The following ERAP1 variants were observed in gnomAD, a reference collection of about 807,000 sequenced individuals.
ERAP1 encodes endoplasmic reticulum aminopeptidase 1, also known as adipocyte-derived leucine aminopeptidase.
Under a neutral mutation model 103.7 loss-of-function variants are expected in ERAP1, and 86 were observed. The observed-to-expected ratio is 0.83, with a 90% CI of 0.70 to 0.99. ERAP1 has a LOEUF of 0.99. Ranked by LOEUF, ERAP1 falls within the 50% of genes least tolerant of loss-of-function variation. ERAP1 has a pLI of 0.00. For synonymous variants in ERAP1, 398 were observed against 402.4 expected (o/e 0.99, Z 0.13); for missense variants, 1,009 against 1,128.4 (o/e 0.89, Z 1.52).
intron 6 of ERAP1, 58 bp from the exon 7 acceptor site, chr5:96,793,571 G>T: frequency 3.0e-6 from 4 of 1,316,838 alleles, no homozygotes; most frequent in Non-Finnish European, 4.4e-6. Flanking sequence ...TATTTTAGAT[G>T]TCCAATATAA....
the ERAP1 span, among the ~76,000 whole-genome samples, chr5:96,891,561 C>T: frequency 9.2e-5 from 11 of 118,922 alleles, no homozygotes; most frequent in East Asian, 2.6e-4. Flanking sequence ...CACACACACA[C>T]ACATATATGG....
At chr5:96,825,494 A>G in the ERAP1 span, among the ~76,000 whole-genome samples, 1 of 152,220 alleles carries the variant, frequency 6.6e-6, no homozygotes, top group Non-Finnish European at 1.5e-5. Flanking sequence ...TGTCAATTAG[A>G]TCCAGTTGAT....
chr5:96,831,076 T>G, the ERAP1 span, among the ~76,000 whole-genome samples: 4 of 152,186 alleles, frequency 2.6e-5, no homozygotes, highest in Non-Finnish European at 1.5e-5. Context: ...ATTGTTTAAT[T>G]GGCTCATGGT....
intron 5 of ERAP1, among the ~76,000 whole-genome samples, chr5:96,794,692 C>T (rs1035360499): frequency 6.6e-6 from 1 of 152,160 alleles, no homozygotes. Context: ...TCATTCAAAA[C>T]AGTTTGTTGA....
the ERAP1 span, among the ~76,000 whole-genome samples, chr5:96,912,103 T>C: frequency 7.0e-6 from 1 of 142,118 alleles, no homozygotes; most frequent in African/African-American, 2.6e-5. Flanking sequence ...GGCAGGAGAA[T>C]GGTGTGAACC....
At chr5:96,793,741 T>C in intron 6 of ERAP1, 62 bp downstream of exon 6, 1 of 1,419,366 alleles carries the variant, frequency 7.0e-7, no homozygotes, top group Non-Finnish European at 9.7e-7. Flanking sequence ...TAGCCTTATA[T>C]GTCCCATAGA....
the ERAP1 span, among the ~76,000 whole-genome samples, chr5:96,922,687 G>A: frequency 6.6e-6 from 1 of 152,164 alleles, no homozygotes; most frequent in Non-Finnish European, 1.5e-5. Flanking sequence ...CCCTCTGTCC[G>A]GGTGAGTTAA....
the ERAP1 span, chr5:96,912,615 A>AT: frequency 5.7e-6 from 9 of 1,570,942 alleles, no homozygotes; most frequent in Non-Finnish European, 7.7e-6. Flanking sequence ...CTTTTTCTTC[A>AT]TTTTTATGCT....
chr5:96,858,699 C>T, the ERAP1 span, among the ~76,000 whole-genome samples: 1 of 152,316 alleles, frequency 6.6e-6, no homozygotes, highest in South Asian at 2.1e-4. Context: ...ACCCCATCAG[C>T]ATTGCACCTG....
At chr5:96,830,049 T>A in the ERAP1 span, among the ~76,000 whole-genome samples, 3 of 152,316 alleles carry the variant, frequency 2.0e-5, no homozygotes, top group South Asian at 2.1e-4. Context: ...ATGTTCAGGA[T>A]CACTTTGAAA....
At chr5:96,870,532 T>C in the ERAP1 span, among the ~76,000 whole-genome samples, 10 of 152,136 alleles carry the variant, frequency 6.6e-5, no homozygotes, top group African/African-American at 2.4e-4. Flanking sequence ...CCCATGAAAC[T>C]CTCATGCAAA....
rs1774053217 is a variant in ERAP1 at position 96,775,478 on chromosome 5, T to G, written c.*918A>C. 1.0e-6 allele frequency: 1 copy of G among 985,544 alleles called. No homozygotes were observed. Among genetic ancestry groups the G allele is most frequent in the East Asian group, 1.1e-4 (1 of 8,948 alleles). The allele number at this position is 985,544 out of a possible 1,614,324, so 61.0% of individuals were successfully genotyped here. On this transcript the variant is annotated 3_prime_UTR_variant, in exon 19 of 19. Transcript: ENST00000443439. ...TAAGAAAAGGGTTTTCCTACAGACT[T>G]GAATGCACTCTGCTTTTTCAGAAGA...
At chr5:96,818,269 C>G in the ERAP1 span, among the ~76,000 whole-genome samples, 1 of 152,122 alleles carries the variant, frequency 6.6e-6, no homozygotes, top group Non-Finnish European at 1.5e-5. Flanking sequence ...ACACACCTCC[C>G]TTTCCTCCTG....
chr5:96,814,146 A>C, the ERAP1 span: 2 of 436,226 alleles, frequency 4.6e-6, no homozygotes, highest in East Asian at 1.4e-4. Flanking sequence ...GAAGGGAAGG[A>C]TCTGCTTCCA....
chr5:96,816,666 A>G, the ERAP1 span, among the ~76,000 whole-genome samples: 1 of 152,106 alleles, frequency 6.6e-6, no homozygotes, highest in Non-Finnish European at 1.5e-5. Flanking sequence ...GGTCAACCTT[A>G]GGCATGCGTA....
At chr5:96,846,035 G>A in the ERAP1 span, among the ~76,000 whole-genome samples, 1 of 152,124 alleles carries the variant, frequency 6.6e-6, no homozygotes, top group Admixed American at 6.5e-5. Flanking sequence ...TAATAGAAGG[G>A]TCACCCACAG....
the ERAP1 span, among the ~76,000 whole-genome samples, chr5:96,838,607 T>C: frequency 6.6e-6 from 1 of 150,718 alleles, no homozygotes; most frequent in South Asian, 2.1e-4. Context: ...CAAAGTCCAC[T>C]TGAATTCTTA....
chr5:96,877,276 T>C, the ERAP1 span, among the ~76,000 whole-genome samples: 2 of 152,214 alleles, frequency 1.3e-5, no homozygotes, highest in Admixed American at 1.3e-4. Context: ...TGCCCGGTCC[T>C]GTTTCTTTAT....
intron 18 of ERAP1, 112 bp downstream of exon 18, chr5:96,780,311 A>G: frequency 1.3e-6 from 1 of 759,448 alleles, no homozygotes; most frequent in Non-Finnish European, 2.0e-6. Flanking sequence ...TAACTTCTAA[A>G]TGACAATCCA....
Sources: allele counts gnomAD v4.1 joint callset (sites outside exome capture counted in the v4.1 genomes callset), GRCh38; gene constraint gnomAD v4.1.1; transcripts MANE v1.5; gene names NCBI Gene and HGNC (gene_info 2026-07-23, HGNC 2026-07-21).